The following BDP1 variants were observed in gnomAD, a reference collection of about 807,000 sequenced individuals.
BDP1 encodes transcription factor TFIIIB component B'' homolog.
BDP1 carries 169 observed loss-of-function variants against 266.6 expected under a neutral mutation model. The ratio of observed to expected loss-of-function variants is 0.63; its 90% CI spans 0.56 to 0.72. The LOEUF (loss-of-function observed/expected upper bound fraction) is 0.72, where lower values mean the gene tolerates loss of function less well. Among genes scored for constraint, BDP1 ranks in the 30% least tolerant of loss-of-function variants. The pLI is 0.00. For missense variants in BDP1, 3,015 were observed against 3,053.8 expected (o/e 0.99, Z 0.30); for synonymous variants, 1,090 against 1,022.4 (o/e 1.07, Z -1.26).
chr5:71,573,424 C>T, the BDP1 span, among the ~76,000 whole-genome samples: 2 of 152,206 alleles, frequency 1.3e-5, no homozygotes, highest in Admixed American at 6.5e-5. Flanking sequence ...TTCCTATTTC[C>T]ATAAGACCTG....
chr5:71,509,410 T>G (rs1764764372), intron 16 of BDP1, 55 bp from the exon 17 acceptor site: 2 of 1,494,678 alleles, frequency 1.3e-6, no homozygotes, highest in Admixed American at 2.5e-5. Flanking sequence ...ACATCATCTC[T>G]TCAGCAGGCA....
At position 71,539,628 on chromosome 5, in the gene BDP1, A is replaced by T; in HGVS notation, c.6001A>T (p.Ile2001Phe). ...TMGDLVLQSE[I>F]SSEQGDVGVC... ...GGGAGATCTAGTATTGCAGTCAGAGATCAGTAGTGAACAGGGTGATGGTAA... is the reference window on the plus strand; with the variant it reads ...GGGAGATCTAGTATTGCAGTCAGAGTTCAGTAGTGAACAGGGTGATGGTAA... The change falls in exon 28 of 39, where the codon ATC becomes TTC. Residue 2001 changes from isoleucine (I) to phenylalanine (F), a missense_variant. Coordinates refer to ENST00000358731, the MANE Select transcript of BDP1 (RefSeq NM_018429.3). The T allele has an allele frequency of 6.2e-7, 1 of 1,611,464 alleles. No homozygotes were observed. The highest frequency in any genetic ancestry group is 1.3e-5 in the African/African-American group (1 of 74,798).
At chr5:71,563,607 A>G in intron 38 of BDP1, among the ~76,000 whole-genome samples, 1 of 151,796 alleles carries the variant, frequency 6.6e-6, no homozygotes, top group Non-Finnish European at 1.5e-5. Flanking sequence ...CTGCTTTCAG[A>G]TAGTTTAAAA....
chr5:71,477,262 A>G (rs891275555), intron 7 of BDP1, among the ~76,000 whole-genome samples: 5 of 151,608 alleles, frequency 3.3e-5, no homozygotes, highest in Non-Finnish European at 5.9e-5. Context: ...GGCTCAAGCA[A>G]TCCTCCTGCC....
Position 71,524,250 on chromosome 5 carries a change from C to T in BDP1, c.5699C>T (p.Ala1900Val). The change falls in exon 25 of 39, where the codon GCT becomes GTT. Residue 1900 changes from alanine to valine, a missense_variant. Ala to Val is a moderately conservative substitution (Grantham distance 64). Coordinates refer to ENST00000358731, the MANE Select transcript of BDP1 (RefSeq NM_018429.3). ...CTTGCTCCCGAAGAAGTAAACAAAG[C>T]TCCAGTATTTGTACCTGTTGGTCTC... is the stretch of plus-strand genomic sequence containing the variant. ...YHLAPEEVNK[A>V]PVFVPVGLRS... is the part of the protein sequence containing the mutation. 6.2e-7 allele frequency: 1 copy of T among 1,614,032 alleles called. No homozygotes were observed. The highest frequency in any genetic ancestry group is 8.5e-7 in the Non-Finnish European group (1 of 1,179,896).
In BDP1 at chr5:71,502,583, T is replaced by G. The variant is rs376690515; in HGVS notation, c.2049-16T>G. 1 of 1,565,800 alleles carries G rather than the reference T, an allele frequency of 6.4e-7. No individual in the cohort carries two copies. Among genetic ancestry groups the G allele is most frequent in the African/African-American group, 1.4e-5 (1 of 72,376 alleles). On this transcript the variant is annotated splice_polypyrimidine_tract_variant and intron_variant, in intron 14 of 38. Coordinates refer to ENST00000358731, the MANE Select transcript of BDP1 (RefSeq NM_018429.3). ...ACTTCAAAATAAACATTAATTTTAT[T>G]TCTTTGTGGTTCTAGTTTGGGTGAA...
At chr5:71,503,511 C>G (rs899691589) in intron 15 of BDP1, among the ~76,000 whole-genome samples, 1 of 152,130 alleles carries the variant, frequency 6.6e-6, no homozygotes, top group Non-Finnish European at 1.5e-5. Context: ...GAAATAAGTA[C>G]ATATGTGAGT....
At chr5:71,516,354 C>A (rs1441771028) in intron 21 of BDP1, 83 bp downstream of exon 21, 2 of 1,020,182 alleles carry the variant, frequency 2.0e-6, no homozygotes, top group Admixed American at 2.4e-5. Context: ...CTTAGAAATA[C>A]AGGCATCTGA....
rs1259091937 is a variant in BDP1, at chr5:71,455,831, GC to G, written c.-46del. 12 of 1,508,916 alleles carry G rather than the reference GC, an allele frequency of 8.0e-6. No individual in the cohort carries two copies. In the Admixed American group the frequency reaches 1.0e-4, roughly 13 times the overall value. 93.5% of individuals were successfully genotyped at this position (1,508,916 alleles called of 1,614,324 possible). Reference sequence around the variant, plus strand: ...TTCCGGGCAGCCGCCGGGGCTCGGGGCTGTGAGCGGCCGTGAGGCTGCCTCC... The same window carrying G: ...TTCCGGGCAGCCGCCGGGGCTCGGGGTGTGAGCGGCCGTGAGGCTGCCTCC... On this transcript the variant is annotated 5_prime_UTR_variant, in exon 1 of 39. Coordinates refer to ENST00000358731, the MANE Select transcript of BDP1 (RefSeq NM_018429.3).
At chr5:71,570,423 C>A (rs979716669), downstream of BDP1, among the ~76,000 whole-genome samples, 1 of 152,166 alleles carries the variant, frequency 6.6e-6, no homozygotes, top group Non-Finnish European at 1.5e-5. Flanking sequence ...GGTCTATAAC[C>A]TGATTTATTT....
chr5:71,505,097 C>T (rs1276600717), intron 16 of BDP1, among the ~76,000 whole-genome samples: 2 of 152,158 alleles, frequency 1.3e-5, no homozygotes, highest in Non-Finnish European at 2.9e-5. Context: ...ACCACTGCTT[C>T]CCAGGTTCAA....
intron 16 of BDP1, among the ~76,000 whole-genome samples, chr5:71,505,571 A>C (rs1000161827): frequency 1.3e-5 from 2 of 152,194 alleles, no homozygotes; most frequent in African/African-American, 4.8e-5. Context: ...TCAACTTGGA[A>C]ATGTTTAATG....
intron 24 of BDP1, 39 bp from the exon 25 acceptor site, chr5:71,523,900 A>G: frequency 1.3e-6 from 2 of 1,517,112 alleles, no homozygotes; most frequent in South Asian, 1.4e-5. Context: ...TTATCCTTGC[A>G]TGCATATGAC....
chr5:71,468,617 T>C (rs1011973741), intron 6 of BDP1, among the ~76,000 whole-genome samples: 25 of 150,990 alleles, frequency 1.7e-4, no homozygotes, highest in South Asian at 1.0e-3. Flanking sequence ...CTTTTTTTTT[T>C]TTTTTTGAGA....
At chr5:71,515,164 A>G (rs376899772) in intron 20 of BDP1, 42 bp downstream of exon 20, 1 of 1,382,600 alleles carries the variant, frequency 7.2e-7, no homozygotes, top group African/African-American at 1.5e-5. Context: ...TAAGAGAGAT[A>G]CTTCTTTTAA....
Position 71,566,649 on chromosome 5 carries a change from A to G in BDP1, c.*1764A>G, listed in dbSNP as rs372532743. ...GCAATTTCAGTGTGAAAGAAGCCATAGACAGTACTTGAATGAAGGACTGTG... is the reference window on the plus strand; with the variant it reads ...GCAATTTCAGTGTGAAAGAAGCCATGGACAGTACTTGAATGAAGGACTGTG... On this transcript the variant is annotated 3_prime_UTR_variant, in exon 39 of 39. Transcript: ENST00000358731. 9.8e-5 allele frequency: 15 copies of G among 152,324 alleles called. 1 individual carries two copies. Among genetic ancestry groups the G allele is most frequent in the African/African-American group, 3.6e-4 (15 of 41,576 alleles). 9.4% of individuals were successfully genotyped at this position (152,324 alleles called of 1,614,324 possible).
intron 23 of BDP1, 105 bp from the exon 24 acceptor site, chr5:71,522,651 C>G: frequency 8.2e-7 from 1 of 1,223,952 alleles, no homozygotes; most frequent in East Asian, 2.3e-5. Context: ...CAACCAACTG[C>G]TTGTAGATAT....
rs771896589 is a variant in BDP1, at chr5:71,517,333, A to G, written c.4872A>G (p.Gln1624=). 56 of 1,598,756 alleles carry G rather than the reference A, an allele frequency of 3.5e-5. No homozygotes were observed. Among genetic ancestry groups the G allele is most frequent in the Non-Finnish European group, 4.3e-5 (51 of 1,175,742 alleles). The change falls in exon 22 of 39, where the codon CAA becomes CAG. Residue 1624 remains glutamine, a synonymous_variant. Transcript: ENST00000358731. ...TTTTGTCTTTTCAGTCAAATTCTCA[A>G]ATTGAAACTGAAATTGAAGTTCCAT... is the stretch of plus-strand genomic sequence containing the variant. ...EKKVLTVSNS[Q]IETEIEVPSS...
At position 71,565,013 on chromosome 5, in the gene BDP1, A is replaced by G. The variant is rs745891898; in HGVS notation, c.*128A>G. On this transcript the variant is annotated 3_prime_UTR_variant, in exon 39 of 39. Coordinates refer to ENST00000358731, the MANE Select transcript of BDP1 (RefSeq NM_018429.3). ...TCTTTAGGTTGATTTTGAATACTTA[A>G]TGAGCTTGATTTGAAGCTTTTATAA... is the stretch of plus-strand genomic sequence containing the variant. 1.2e-6 allele frequency: 1 copy of G among 814,388 alleles called. No individual in the cohort carries two copies. The allele number at this position is 814,388 out of a possible 1,614,324, so 50.4% of individuals were successfully genotyped here.
Sources: gnomAD v4.1 joint callset for allele counts (sites outside exome capture counted in the v4.1 genomes callset) on GRCh38, gnomAD v4.1.1 for gene constraint, MANE v1.5 for transcripts, NCBI Gene and HGNC (gene_info 2026-07-23, HGNC 2026-07-21) for gene names.